DIAPH3: variants seen among roughly 807,000 people sequenced by gnomAD.
The protein encoded by DIAPH3 is diaphanous related formin 3.
In DIAPH3, 117 loss-of-function variants were observed where a neutral mutation model predicts 144.3. The ratio of observed to expected loss-of-function variants is 0.81; its 90% CI spans 0.70 to 0.95. DIAPH3 has a LOEUF of 0.95. DIAPH3 is among the 40% of genes least tolerant of loss of function. The pLI, the probability that DIAPH3 is intolerant of heterozygous loss-of-function variation, is 0.00. For missense variants in DIAPH3, 1,421 were observed against 1,412.7 expected, an observed-to-expected ratio of 1.01 and a Z score of -0.09; for synonymous variants, 519 against 488.9, an observed-to-expected ratio of 1.06 and a Z score of -0.81.
At chr13:59,958,867 CT>C (rs932649097) in intron 17 of DIAPH3, among the ~76,000 whole-genome samples, 1,379 of 94,324 alleles carry the variant, frequency 0.015, 3 homozygotes, top group Non-Finnish European at 0.018. Flanking sequence ...CTTCAATAAA[CT>C]TTTTTTTTTT....
At chr13:59,713,991 G>T (rs1054116618) in intron 27 of DIAPH3, among the ~76,000 whole-genome samples, 1 of 152,200 alleles carries the variant, frequency 6.6e-6, no homozygotes. Flanking sequence ...TGAGGCAGGA[G>T]GGTCCCTTGA....
At chr13:60,104,014 C>CTGT (rs573092117) in intron 3 of DIAPH3, among the ~76,000 whole-genome samples, 271 of 152,230 alleles carry the variant, frequency 1.8e-3, no homozygotes, top group African/African-American at 6.1e-3. Context: ...TCATTATACA[C>CTGT]TGTTGAACAG....
rs569299348 is a variant in DIAPH3 at position 60,105,199 on chromosome 13, A to G, written c.390+6811T>C. On this transcript the variant is annotated intron_variant, in intron 3 of 27. Coordinates refer to ENST00000400324, the MANE Select transcript of DIAPH3 (RefSeq NM_001042517.2). ...TTTCTAAGTAAATGACAATTTCTTC[A>G]TACATTTACATAAAGGATAAAATGG... Among the ~76,000 whole-genome samples, 138 of 151,874 alleles carry G rather than the reference A, an allele frequency of 9.1e-4. 1 individual carries two copies. Among genetic ancestry groups the G allele is most frequent in the African/African-American group, 2.4e-3 (100 of 41,406 alleles).
intron 17 of DIAPH3, among the ~76,000 whole-genome samples, chr13:59,937,451 C>A (rs1332396172): frequency 6.6e-6 from 1 of 152,106 alleles, no homozygotes; most frequent in Non-Finnish European, 1.5e-5. Flanking sequence ...AGTTGATAAA[C>A]CAGCTTACTA....
chr13:60,131,435 C>CAAAAAA (rs777909368), intron 2 of DIAPH3, among the ~76,000 whole-genome samples: 18 of 29,276 alleles, frequency 6.1e-4, no homozygotes, highest in Non-Finnish European at 8.3e-4. Flanking sequence ...GACCCTGTCT[C>CAAAAAA]AAAAAAAAAA....
intron 1 of DIAPH3, among the ~76,000 whole-genome samples, chr13:60,150,692 G>C (rs982096894): frequency 1.3e-5 from 2 of 152,234 alleles, no homozygotes; most frequent in Non-Finnish European, 2.9e-5. Flanking sequence ...TCACAAAGCT[G>C]GGAGTGGTTT....
intron 17 of DIAPH3, 86 bp downstream of exon 17, chr13:59,969,858 A>G (rs2050255435): frequency 1.8e-5 from 15 of 847,646 alleles, no homozygotes; most frequent in Middle Eastern, 3.6e-4. Context: ...GATTCATAAA[A>G]TAATGTTTTC....
rs114113085 is a variant in DIAPH3, at chr13:59,688,396, A to G, written c.3320-21550T>C. On this transcript the variant is annotated intron_variant, in intron 27 of 27. Transcript: ENST00000400324. ...AATAATCAAAACCACTGACAAAAAA[A>G]TAATAACTGAAAAGGTCAAAAAGTG... is the stretch of plus-strand genomic sequence containing the variant. Among the ~76,000 whole-genome samples, 384 of 152,210 alleles carry G rather than the reference A, an allele frequency of 2.5e-3. 3 individuals carry two copies. Among genetic ancestry groups the G allele is most frequent in the African/African-American group, 8.8e-3 (365 of 41,540 alleles).
At chr13:60,064,909 C>T (rs2056898474) in intron 4 of DIAPH3, among the ~76,000 whole-genome samples, 1 of 152,036 alleles carries the variant, frequency 6.6e-6, no homozygotes, top group Admixed American at 6.6e-5. Flanking sequence ...TTATTAACTT[C>T]CTTAATTTTA....
At chr13:59,744,385 A>G (rs2036606643) in intron 27 of DIAPH3, among the ~76,000 whole-genome samples, 1 of 152,218 alleles carries the variant, frequency 6.6e-6, no homozygotes, top group African/African-American at 2.4e-5. Context: ...GGAATCAACG[A>G]TGAAGAAGAT....
At chr13:59,785,932 C>T (rs1566306641) in intron 25 of DIAPH3, among the ~76,000 whole-genome samples, 1 of 152,294 alleles carries the variant, frequency 6.6e-6, no homozygotes, top group East Asian at 1.9e-4. Flanking sequence ...CTCCTTCTTC[C>T]TATCTTGAAT....
intron 27 of DIAPH3, among the ~76,000 whole-genome samples, chr13:59,686,523 A>G (rs1338599033): frequency 6.6e-6 from 1 of 152,032 alleles, no homozygotes; most frequent in Non-Finnish European, 1.5e-5. Flanking sequence ...AAAAAAAAAA[A>G]AGTACTGCTA....
intron 1 of DIAPH3, among the ~76,000 whole-genome samples, chr13:60,137,683 T>C (rs2059320621): frequency 6.6e-6 from 1 of 151,788 alleles, no homozygotes; most frequent in Non-Finnish European, 1.5e-5. Context: ...CAGAACCAAA[T>C]ATGTGGTAGC....
intron 27 of DIAPH3, among the ~76,000 whole-genome samples, chr13:59,705,055 C>T (rs1422601811): frequency 1.3e-5 from 2 of 152,156 alleles, no homozygotes; most frequent in African/African-American, 4.8e-5. Context: ...ATTTGTCCTT[C>T]CAGTCTGACA....
At position 59,666,590 on chromosome 13, in the gene DIAPH3, A is replaced by T; in HGVS notation, c.3576T>A (p.Ala1192=). 1 of 1,614,098 alleles carries T rather than the reference A, an allele frequency of 6.2e-7. No individual in the cohort carries two copies. Among genetic ancestry groups the T allele is most frequent in the South Asian group, 1.1e-5 (1 of 91,052 alleles). ...TTTTAAAAACCAGTTTAACTTATAA[A>T]GCTCGTAATCTTGCCAGCAGGGCTT... The part of the protein sequence containing the change: ...EVEALLARLR[A]L The change falls in exon 28 of 28, where the codon GCT becomes GCA. Residue 1192 remains alanine, a synonymous_variant. Coordinates refer to ENST00000400324, the MANE Select transcript of DIAPH3 (RefSeq NM_001042517.2).
At chr13:60,099,985 A>ACTTCCTT (rs2058225580) in intron 3 of DIAPH3, among the ~76,000 whole-genome samples, 1 of 151,802 alleles carries the variant, frequency 6.6e-6, no homozygotes, top group Non-Finnish European at 1.5e-5. Flanking sequence ...AGTCAAAAGG[A>ACTTCCTT]CATGAGCCAA....
chr13:60,161,012 G>A (rs1382287101), intron 1 of DIAPH3, among the ~76,000 whole-genome samples: 5 of 152,124 alleles, frequency 3.3e-5, no homozygotes, highest in Admixed American at 2.0e-4. Context: ...AGATTTCAGC[G>A]GGTACCAGAG....
At chr13:59,685,531 T>C (rs1399026463) in intron 27 of DIAPH3, among the ~76,000 whole-genome samples, 1 of 152,138 alleles carries the variant, frequency 6.6e-6, no homozygotes, top group Non-Finnish European at 1.5e-5. Flanking sequence ...TTATCTCCAT[T>C]TCCCAACAAA....
intron 18 of DIAPH3, among the ~76,000 whole-genome samples, chr13:59,921,213 T>A (rs1430191119): frequency 7.5e-6 from 1 of 133,100 alleles, no homozygotes; most frequent in African/African-American, 2.8e-5. Context: ...CCAAAATTAG[T>A]AGAAGCAAGA....
Sources: gnomAD v4.1 joint callset for allele counts (sites outside exome capture counted in the v4.1 genomes callset) on GRCh38, gnomAD v4.1.1 for gene constraint, MANE v1.5 for transcripts, NCBI Gene and HGNC (gene_info 2026-07-23, HGNC 2026-07-21) for gene names.